ELAPOR1: variants seen among roughly 807,000 people sequenced by gnomAD.
ELAPOR1 encodes endosome/lysosome-associated apoptosis and autophagy regulator 1.
In ELAPOR1, 77 loss-of-function variants were observed where a neutral mutation model predicts 119.7. The observed-to-expected ratio is 0.64, with a 90% CI of 0.54 to 0.78. The LOEUF is 0.78. Among genes scored for constraint, ELAPOR1 ranks in the 30% least tolerant of loss-of-function variants. The probability of loss-of-function intolerance (pLI) is 0.00; values close to 1 mark genes in which losing one functional copy is unlikely to be tolerated. For missense variants in ELAPOR1, 1,115 were observed against 1,270.4 expected, an observed-to-expected ratio of 0.88 and a Z score of 1.86; for synonymous variants, 481 against 487.2, an observed-to-expected ratio of 0.99 and a Z score of 0.17.
At chr1:109,154,566 T>C (rs1445077943) in intron 1 of ELAPOR1, among the ~76,000 whole-genome samples, 5 of 152,146 alleles carry the variant, frequency 3.3e-5, no homozygotes, top group African/African-American at 9.7e-5. Flanking sequence ...GGAGTGCCCA[T>C]TGTTAATCCC....
chr1:109,163,028 G>A (rs1043211019), intron 2 of ELAPOR1, among the ~76,000 whole-genome samples: 1 of 152,256 alleles, frequency 6.6e-6, no homozygotes, highest in Non-Finnish European at 1.5e-5. Flanking sequence ...GCCAGTCACT[G>A]AGCCAGCCAT....
Position 109,189,127 on chromosome 1 carries a change from C to T in ELAPOR1, c.1281C>T (p.Asn427=), listed in dbSNP as rs146919608. The T allele has an allele frequency of 2.8e-4, 459 of 1,614,136 alleles. 2 individuals carry two copies. The highest frequency in any genetic ancestry group is 2.9e-4 in the East Asian group (13 of 44,894). The change falls in exon 10 of 22, where the codon AAC becomes AAT. Residue 427 remains asparagine, a synonymous_variant. Transcript: ENST00000369939. ...TGGGATTTGAATACAAATGGTGGAA[C>T]ACGCTGCCCACAAACATGGAAACGA... is the stretch of plus-strand genomic sequence containing the variant. ...PAVGFEYKWW[N]TLPTNMETTV...
At chr1:109,174,981 C>G (rs544386608) in intron 7 of ELAPOR1, among the ~76,000 whole-genome samples, 1 of 151,884 alleles carries the variant, frequency 6.6e-6, no homozygotes, top group Non-Finnish European at 1.5e-5. Flanking sequence ...TCCCAAAGTG[C>G]TGGGATTATA....
chr1:109,176,385 TAC>T (rs1342119577), intron 7 of ELAPOR1, among the ~76,000 whole-genome samples: 1 of 152,168 alleles, frequency 6.6e-6, no homozygotes, highest in Non-Finnish European at 1.5e-5. Flanking sequence ...TTTCCTTTTT[TAC>T]ACAGTTTATA....
intron 7 of ELAPOR1, among the ~76,000 whole-genome samples, chr1:109,181,480 T>A (rs546770086): frequency 1.3e-5 from 2 of 152,326 alleles, no homozygotes; most frequent in African/African-American, 4.8e-5. Flanking sequence ...TTTTGGTTAA[T>A]CATTTATTAA....
chr1:109,197,688 A>AGAGAGTGTGTGTGT lies in ELAPOR1; in HGVS notation c.2302+35_2302+36insAGAGTGTGTGTGTG, dbSNP rs113482805. 8 of 1,366,714 alleles carry AGAGAGTGTGTGTGT rather than the reference A, an allele frequency of 5.9e-6. No individual in the cohort carries two copies. In the East Asian group the frequency reaches 9.9e-5, roughly 17 times the overall value. 84.7% of individuals were successfully genotyped at this position (1,366,714 alleles called of 1,614,324 possible). A position where few individuals can be genotyped will look rare whatever the true frequency, so the allele number is the denominator to read the frequency against. ...CTCCGCTGCCTCAGCCTTGTTTGAGAGTGTGTGTGTGTGTGTGTGTGTGTG... is the reference window on the plus strand; with the variant it reads ...CTCCGCTGCCTCAGCCTTGTTTGAGAGAGAGTGTGTGTGTGTGTGTGTGTGTGTGTGTGTGTGTG... On this transcript the variant is annotated intron_variant, in intron 16 of 21. Coordinates refer to ENST00000369939, the MANE Select transcript of ELAPOR1 (RefSeq NM_020775.5).
intron 1 of ELAPOR1, among the ~76,000 whole-genome samples, chr1:109,125,669 C>A (rs1570604253): frequency 6.6e-6 from 1 of 152,284 alleles, no homozygotes; most frequent in African/African-American, 2.4e-5. Context: ...CAGGCGGGAG[C>A]CACCACGCCC....
intron 15 of ELAPOR1, 123 bp from the exon 16 acceptor site, chr1:109,197,351 C>T (rs1328836563): frequency 7.7e-6 from 6 of 783,524 alleles, no homozygotes; most frequent in African/African-American, 1.7e-5. Context: ...TGAATCATTC[C>T]CCTACAACAT....
At chr1:109,200,279 GA>G in intron 20 of ELAPOR1, 42 bp downstream of exon 20, 1 of 1,594,418 alleles carries the variant, frequency 6.3e-7, no homozygotes, top group Non-Finnish European at 8.6e-7. Context: ...GACAGGGTTG[GA>G]TTATTGATCA....
intron 1 of ELAPOR1, among the ~76,000 whole-genome samples, chr1:109,124,950 A>T (rs758086568): frequency 1.3e-4 from 20 of 151,676 alleles, no homozygotes; most frequent in Non-Finnish European, 2.4e-4. Context: ...TTTGAGAGAG[A>T]CAGAATCTTG....
intron 12 of ELAPOR1, 27 bp from the exon 13 acceptor site, chr1:109,191,699 C>G (rs377694746): frequency 1.2e-6 from 2 of 1,613,336 alleles, no homozygotes; most frequent in Non-Finnish European, 8.5e-7. Context: ...CCATCGCACC[C>G]GCTTCACTTG....
intron 18 of ELAPOR1, 58 bp downstream of exon 18, chr1:109,198,732 C>T: frequency 6.9e-7 from 1 of 1,442,200 alleles, no homozygotes; most frequent in Non-Finnish European, 9.6e-7. Context: ...TCATTCCATC[C>T]TGAGATCCAG....
chr1:109,134,184 T>G (rs1649318941), intron 1 of ELAPOR1, among the ~76,000 whole-genome samples: 2 of 152,154 alleles, frequency 1.3e-5, no homozygotes, highest in Admixed American at 6.5e-5. Flanking sequence ...TCCTTTAGAT[T>G]CTGTTCTTTT....
At chr1:109,155,848 T>C (rs958758743) in intron 1 of ELAPOR1, among the ~76,000 whole-genome samples, 3 of 152,316 alleles carry the variant, frequency 2.0e-5, no homozygotes, top group Non-Finnish European at 4.4e-5. Flanking sequence ...TGGATGGTGA[T>C]TAAAATATTT....
intron 1 of ELAPOR1, among the ~76,000 whole-genome samples, chr1:109,128,651 A>G (rs1157453205): frequency 6.6e-6 from 1 of 152,218 alleles, no homozygotes; most frequent in Non-Finnish European, 1.5e-5. Context: ...CTATTTCTAA[A>G]GGAAACCTGT....
At chr1:109,154,384 G>A (rs1650740080) in intron 1 of ELAPOR1, among the ~76,000 whole-genome samples, 1 of 152,046 alleles carries the variant, frequency 6.6e-6, no homozygotes, top group Non-Finnish European at 1.5e-5. Context: ...GAACTGGAAG[G>A]AATCTTAGAA....
rs1278885139 is a variant in ELAPOR1 at position 109,204,758 on chromosome 1, G to GGAAT, written c.*1747_*1748insAATG. 6.6e-6 allele frequency: 1 copy of GGAAT among 152,312 alleles called. No individual in the cohort carries two copies. The highest frequency in any genetic ancestry group is 1.9e-4 in the East Asian group (1 of 5,194). 9.4% of individuals were successfully genotyped at this position (152,312 alleles called of 1,614,324 possible). A position where few individuals can be genotyped will look rare whatever the true frequency, so the allele number is the denominator to read the frequency against. ...ATCAAACCAGTCTTCAAGGAAGGAA[G>GGAAT]GCTAGGAGAGTTTAACAAGATTTTC... On this transcript the variant is annotated 3_prime_UTR_variant, in exon 22 of 22. Coordinates refer to ENST00000369939, the MANE Select transcript of ELAPOR1 (RefSeq NM_020775.5).
intron 1 of ELAPOR1, among the ~76,000 whole-genome samples, chr1:109,150,470 C>G (rs1650462170): frequency 6.6e-6 from 1 of 152,176 alleles, no homozygotes; most frequent in Non-Finnish European, 1.5e-5. Context: ...GCTTCTTCGA[C>G]TGCTGCTGGG....
intron 7 of ELAPOR1, among the ~76,000 whole-genome samples, chr1:109,180,664 T>C (rs543143642): frequency 6.6e-6 from 1 of 152,322 alleles, no homozygotes; most frequent in Non-Finnish European, 1.5e-5. Flanking sequence ...AACACTCCTT[T>C]TTTAATATGA....
Sources: allele counts gnomAD v4.1 joint callset (sites outside exome capture counted in the v4.1 genomes callset), GRCh38; gene constraint gnomAD v4.1.1; transcripts MANE v1.5; gene names NCBI Gene and HGNC (gene_info 2026-07-23, HGNC 2026-07-21).